Variants in LHX6 observed in about 807,000 individuals in gnomAD.
LHX6 encodes LIM homeobox 6.
A neutral mutation model predicts 47.1 loss-of-function variants in LHX6; 15 were observed. The ratio of observed to expected loss-of-function variants is 0.32; its 90% CI spans 0.21 to 0.49. The LOEUF (loss-of-function observed/expected upper bound fraction) is 0.49, where lower values mean the gene tolerates loss of function less well. Ranked by LOEUF, LHX6 falls within the 20% of genes least tolerant of loss-of-function variation. The pLI is 0.99. For missense variants in LHX6, 404 were observed against 539.6 expected, an observed-to-expected ratio of 0.75 and a Z score of 2.49; for synonymous variants, 242 against 233.5, an observed-to-expected ratio of 1.04 and a Z score of -0.33.
At chr9:122,208,602 CG>C (rs1830276461) in intron 9 of LHX6, among the ~76,000 whole-genome samples, 1 of 152,068 alleles carries the variant, frequency 6.6e-6, no homozygotes, top group Non-Finnish European at 1.5e-5. Context: ...GAGGCTGAGG[CG>C]GGTGGATCAC....
chr9:122,210,154 A>G (rs1484445979), intron 8 of LHX6, among the ~76,000 whole-genome samples: 1 of 152,030 alleles, frequency 6.6e-6, no homozygotes, highest in Non-Finnish European at 1.5e-5. Flanking sequence ...TCCTGACCTC[A>G]TGATCTGCCC....
rs996910342 is a variant in LHX6, at chr9:122,226,968, T to C, written c.219A>G (p.Pro73=). The C allele has an allele frequency of 3.2e-6, 5 of 1,550,760 alleles. No individual in the cohort carries two copies. Among genetic ancestry groups the C allele is most frequent in the East Asian group, 4.8e-5 (2 of 41,772 alleles). Residue 73 remains proline (P), a synonymous_variant, in exon 3 of 10, where the codon CCA becomes CCG. Coordinates refer to ENST00000394319, the MANE Select transcript of LHX6 (RefSeq NM_014368.5). This position sits in a 1 kb window ranked among gnomAD's most constrained non-coding sequence, Gnocchi z 6.5. ...ALDKDEGQAS[P]CTPSTPSVCS... ...AGACAGATGGCGTGCTGGGCGTACA[T>C]GGGGAGGCCTGACCCTCGTCCTTGT...
chr9:122,215,320 T>G (rs1364593373), intron 5 of LHX6, among the ~76,000 whole-genome samples: 1 of 152,238 alleles, frequency 6.6e-6, no homozygotes, highest in Non-Finnish European at 1.5e-5. Flanking sequence ...GAGCAATCGT[T>G]ATTTTCTTCT....
rs763932135 is a variant in LHX6, at chr9:122,213,999, G to A, written c.854C>T (p.Thr285Met). Residue 285 changes from threonine to methionine, a missense_variant, in exon 7 of 10, where the codon ACG becomes ATG. By Grantham distance (81) the Thr-to-Met change is moderately conservative. This residue lies in a region of LHX6 where 23 missense variants were observed against 28.6 expected (regional missense o/e 0.80). Coordinates refer to ENST00000394319, the MANE Select transcript of LHX6 (RefSeq NM_014368.5). The surrounding 1 kb of genome is among the most constrained non-coding windows in gnomAD (Gnocchi z 5.5). ...CTGGATGACTCTCCGGCTGAGGCCC[G>A]TCATGTCCGCCAGCTTCTGCAGCGT... Reference protein sequence around the residue: ...AQTLQKLADMTGLSRRVIQVW... With the variant: ...AQTLQKLADMMGLSRRVIQVW... 2 of 1,458,332 alleles carry A rather than the reference G, an allele frequency of 1.4e-6. No homozygotes were observed. Among genetic ancestry groups the A allele is most frequent in the African/African-American group, 1.5e-5 (1 of 68,828 alleles). 90.3% of individuals were successfully genotyped at this position (1,458,332 alleles called of 1,614,324 possible). A position where few individuals can be genotyped will look rare whatever the true frequency, so the allele number is the denominator to read the frequency against.
chr9:122,208,834 T>TAAAAA (rs34355404), intron 9 of LHX6, among the ~76,000 whole-genome samples: 1 of 117,302 alleles, frequency 8.5e-6, no homozygotes, highest in Non-Finnish European at 1.7e-5. Context: ...AAACTCTGTC[T>TAAAAA]AAAAAAAAAA....
At chr9:122,216,801 T>G (rs1284935405) in intron 5 of LHX6, among the ~76,000 whole-genome samples, 1 of 152,176 alleles carries the variant, frequency 6.6e-6, no homozygotes, top group African/African-American at 2.4e-5. Flanking sequence ...AGCTAGCTCA[T>G]CTATCTTTGG....
rs1048429413 is a variant in LHX6, at chr9:122,227,315, G to C, written c.156+94C>G. ...GCGCCCGCCGGGAGTCCCCCAGAGCGTGAGCAGCAGTTCGTGGCCGGAAAA... is the reference window on the plus strand; with the variant it reads ...GCGCCCGCCGGGAGTCCCCCAGAGCCTGAGCAGCAGTTCGTGGCCGGAAAA... On this transcript the variant is annotated intron_variant, in intron 2 of 9. Transcript: ENST00000394319. The C allele has an allele frequency of 5.7e-4, 703 of 1,243,722 alleles. 2 individuals are homozygous for C. The highest frequency in any genetic ancestry group is 6.9e-4 in the Non-Finnish European group (648 of 937,812). 77.0% of individuals were successfully genotyped at this position (1,243,722 alleles called of 1,614,324 possible). A position where few individuals can be genotyped will look rare whatever the true frequency, so the allele number is the denominator to read the frequency against.
At chr9:122,207,074 G>C (rs2118822893) in intron 9 of LHX6, among the ~76,000 whole-genome samples, 1 of 152,316 alleles carries the variant, frequency 6.6e-6, no homozygotes, top group Non-Finnish European at 1.5e-5. Context: ...TGAGGGCAGG[G>C]ATCATGTCAG....
At chr9:122,221,286 C>A (rs917600378) in intron 4 of LHX6, 8 of 985,344 alleles carry the variant, frequency 8.1e-6, no homozygotes, top group Non-Finnish European at 7.2e-6. Context: ...GAGGTCCCGG[C>A]CCCGAGGCTC....
intron 8 of LHX6, among the ~76,000 whole-genome samples, chr9:122,212,759 CCT>C (rs1830443976): frequency 6.6e-6 from 1 of 152,216 alleles, no homozygotes; most frequent in Non-Finnish European, 1.5e-5. Context: ...CTGCTCCCTC[CCT>C]GTTACTTTAT....
intron 4 of LHX6, among the ~76,000 whole-genome samples, chr9:122,222,250 T>C (rs914704584): frequency 6.6e-6 from 1 of 152,144 alleles, no homozygotes; most frequent in Non-Finnish European, 1.5e-5. Context: ...TGCAGGTATG[T>C]CTGGGGCTAT....
In LHX6 at chr9:122,213,282, G is replaced by T. The variant is rs1010871409; in HGVS notation, c.1054+324C>A. 4.6e-5 allele frequency among the ~76,000 whole-genome samples: 7 copies of T among 152,030 alleles called. No homozygotes were observed. The highest frequency in any genetic ancestry group is 1.3e-4 in the Admixed American group (2 of 15,268). On this transcript the variant is annotated intron_variant, in intron 8 of 9. Coordinates refer to ENST00000394319, the MANE Select transcript of LHX6 (RefSeq NM_014368.5). The surrounding 1 kb of genome is among the most constrained non-coding windows in gnomAD (Gnocchi z 5.5). The stretch of plus-strand genomic sequence containing the variant: ...CCTATTTTTCCATGCCCACCAGAAC[G>T]CAGGCTCCACAGAGTAGGTACCTTG...
At chr9:122,228,101 A>T in intron 1 of LHX6, 1 of 606,644 alleles carries the variant, frequency 1.6e-6, no homozygotes, top group Non-Finnish European at 2.9e-6. Flanking sequence ...GAGCGCGGTG[A>T]GCACCCGCCC....
chr9:122,208,663 C>T (rs931319622), intron 9 of LHX6, among the ~76,000 whole-genome samples: 13 of 151,986 alleles, frequency 8.6e-5, no homozygotes, highest in African/African-American at 3.1e-4. Context: ...GAAACCCCAT[C>T]TCTACTAAAA....
chr9:122,226,455 C>A lies in LHX6; in HGVS notation c.382G>T (p.Val128Leu). Reference sequence around the variant, plus strand: ...TGCTGCCTCAGCGACGTGCGACACACGGAGCACTCGAGGCACCGCACGTGC... The same window carrying A: ...TGCTGCCTCAGCGACGTGCGACACAAGGAGCACTCGAGGCACCGCACGTGC... ...IWHVRCLECS[V>L]CRTSLRQQNS... The change falls in exon 4 of 10, where the codon GTG becomes TTG. Residue 128 changes from valine to leucine, a missense_variant. By Grantham distance (32) the Val-to-Leu change is conservative. This residue lies in a region of LHX6 where 53 missense variants were observed against 97.4 expected (regional missense o/e 0.54). Transcript: ENST00000394319. The surrounding 1 kb of genome is among the most constrained non-coding windows in gnomAD (Gnocchi z 6.5). The A allele has an allele frequency of 6.2e-7, 1 of 1,613,616 alleles. No homozygotes were observed. Among genetic ancestry groups the A allele is most frequent in the Non-Finnish European group, 8.5e-7 (1 of 1,179,922 alleles).
chr9:122,228,647 G>A lies in LHX6; in HGVS notation c.84+10C>T. On this transcript the variant is annotated intron_variant, in intron 1 of 9. Transcript: ENST00000394319. ...GCCCGGGCCGCTCACCCAGTCGTTC[G>A]CCGGCTCACCTGGTCGGTGGCGGGG... 7.6e-7 allele frequency: 1 copy of A among 1,307,472 alleles called. No individual in the cohort carries two copies. Among genetic ancestry groups the A allele is most frequent in the Non-Finnish European group, 9.7e-7 (1 of 1,031,144 alleles). The allele number at this position is 1,307,472 out of a possible 1,614,324, so 81.0% of individuals were successfully genotyped here. A position where few individuals can be genotyped will look rare whatever the true frequency, so the allele number is the denominator to read the frequency against.
intron 4 of LHX6, among the ~76,000 whole-genome samples, chr9:122,220,705 C>A (rs568658993): frequency 6.6e-6 from 1 of 152,180 alleles, no homozygotes; most frequent in Non-Finnish European, 1.5e-5. Context: ...AAAGGATGCG[C>A]GGCGCTTTGG....
chr9:122,228,798 A>T lies in LHX6; in HGVS notation c.-58T>A, dbSNP rs1313046431. ...AGCGCGGAGAGCTGCGCCGAGGGGGACCACAGCCGCAGTGGGAGCAGAGGC... is the reference window on the plus strand; with the variant it reads ...AGCGCGGAGAGCTGCGCCGAGGGGGTCCACAGCCGCAGTGGGAGCAGAGGC... On this transcript the variant is annotated 5_prime_UTR_variant, in exon 1 of 10. Coordinates refer to ENST00000394319, the MANE Select transcript of LHX6 (RefSeq NM_014368.5). 4 of 1,144,174 alleles carry T rather than the reference A, an allele frequency of 3.5e-6. No individual in the cohort carries two copies. The highest frequency in any genetic ancestry group is 4.4e-6 in the Non-Finnish European group (4 of 911,320). The allele number at this position is 1,144,174 out of a possible 1,614,324, so 70.9% of individuals were successfully genotyped here.
chr9:122,207,276 C>A (rs1830217219), intron 9 of LHX6, among the ~76,000 whole-genome samples: 1 of 152,208 alleles, frequency 6.6e-6, no homozygotes, highest in Admixed American at 6.5e-5. Flanking sequence ...CAATCACCCT[C>A]CCAGGGAGAC....
Sources: allele counts gnomAD v4.1 joint callset (sites outside exome capture counted in the v4.1 genomes callset), GRCh38; gene constraint gnomAD v4.1.1; regional missense constraint gnomAD v4.1.1; non-coding constraint Gnocchi (gnomAD v3.1); transcripts MANE v1.5; gene names NCBI Gene and HGNC (gene_info 2026-07-23, HGNC 2026-07-21).